The following PLEKHM3 variants were observed in gnomAD, a reference collection of about 807,000 sequenced individuals.
PLEKHM3 encodes pleckstrin homology domain containing M3.
A neutral mutation model predicts 81.8 loss-of-function variants in PLEKHM3; 45 were observed. The ratio of observed to expected loss-of-function variants is 0.55; its 90% CI spans 0.43 to 0.71. The LOEUF (loss-of-function observed/expected upper bound fraction) is 0.71, where lower values mean the gene tolerates loss of function less well. PLEKHM3 is among the 30% of genes least tolerant of loss of function. The pLI, the probability that PLEKHM3 is intolerant of heterozygous loss-of-function variation, is 0.00. For missense variants in PLEKHM3, 788 were observed against 924.3 expected (o/e 0.85, Z 1.91); for synonymous variants, 352 against 356.4 (o/e 0.99, Z 0.14).
At chr2:208,018,794 A>G (rs1416915563) in intron 1 of PLEKHM3, among the ~76,000 whole-genome samples, 1 of 152,168 alleles carries the variant, frequency 6.6e-6, no homozygotes, top group Non-Finnish European at 1.5e-5. Flanking sequence ...ATTACCTGAA[A>G]GAGTTTATGG....
At chr2:208,000,467 A>G (rs1692259412) in intron 2 of PLEKHM3, among the ~76,000 whole-genome samples, 1 of 152,100 alleles carries the variant, frequency 6.6e-6, no homozygotes, top group Non-Finnish European at 1.5e-5. Context: ...TCACTCTTAT[A>G]TGGACAGAGT....
In PLEKHM3 at chr2:208,005,853, G is replaced by A. The variant is rs781206702; in HGVS notation, c.-318-3896C>T. ...TGCGTTGAACAAATGCATTGTTGTC[G>A]CATTGCATAAGAGATAGCGCCTCAT... On this transcript the variant is annotated intron_variant, in intron 1 of 7. Coordinates refer to ENST00000427836, the MANE Select transcript of PLEKHM3 (RefSeq NM_001080475.3). Among the ~76,000 whole-genome samples the A allele has an allele frequency of 1.7e-4, 26 of 152,212 alleles. 1 individual carries two copies. Among genetic ancestry groups the A allele is most frequent in the Middle Eastern group, 6.8e-3 (2 of 294 alleles).
chr2:207,963,829 T>A (rs1690819453), intron 3 of PLEKHM3, among the ~76,000 whole-genome samples: 1 of 152,182 alleles, frequency 6.6e-6, no homozygotes, highest in Non-Finnish European at 1.5e-5. Context: ...CCCCAATGGC[T>A]AACATATTGA....
chr2:207,870,347 C>T (rs1379449783), intron 6 of PLEKHM3, among the ~76,000 whole-genome samples: 1 of 152,202 alleles, frequency 6.6e-6, no homozygotes, highest in Non-Finnish European at 1.5e-5. Context: ...TCAAAACAAG[C>T]TTCCTTAGCC....
At chr2:207,830,681 A>AGAAGTGTCCTT (rs1553541531) in intron 7 of PLEKHM3, among the ~76,000 whole-genome samples, 2 of 143,782 alleles carry the variant, frequency 1.4e-5, no homozygotes, top group Non-Finnish European at 3.1e-5. Context: ...TCCTTAGAAG[A>AGAAGTGTCCTT]AGGACACTTC....
intron 2 of PLEKHM3, among the ~76,000 whole-genome samples, chr2:207,994,919 A>C (rs1415526396): frequency 6.6e-6 from 1 of 152,180 alleles, no homozygotes; most frequent in African/African-American, 2.4e-5. Context: ...TCTCTCCATA[A>C]GGCAAGGCAA....
chr2:208,006,377 T>C (rs988163369), intron 1 of PLEKHM3, among the ~76,000 whole-genome samples: 1 of 152,200 alleles, frequency 6.6e-6, no homozygotes, highest in South Asian at 2.1e-4. Context: ...AAGATCAGCA[T>C]GTGGGTGCAG....
intron 6 of PLEKHM3, among the ~76,000 whole-genome samples, chr2:207,897,233 C>T (rs979483795): frequency 5.3e-5 from 8 of 152,108 alleles, no homozygotes; most frequent in East Asian, 3.9e-4. Flanking sequence ...GATTCCCCTA[C>T]GGAACATGAG....
At chr2:207,942,923 G>A (rs565841789) in intron 4 of PLEKHM3, among the ~76,000 whole-genome samples, 1 of 152,076 alleles carries the variant, frequency 6.6e-6, no homozygotes, top group African/African-American at 2.4e-5. Context: ...AATAAAGAAG[G>A]CAGGCAGGCA....
chr2:207,829,352 C>T (rs1262921918), intron 7 of PLEKHM3, among the ~76,000 whole-genome samples: 1 of 152,132 alleles, frequency 6.6e-6, no homozygotes, highest in Non-Finnish European at 1.5e-5. Flanking sequence ...CGGCTCACTG[C>T]ACCCTCTGCC....
At chr2:208,017,071 A>C (rs1692946808) in intron 1 of PLEKHM3, among the ~76,000 whole-genome samples, 1 of 152,212 alleles carries the variant, frequency 6.6e-6, no homozygotes. Context: ...TGTAGTATTC[A>C]GCATTTAGCA....
rs914297558 is a variant in PLEKHM3 at position 207,888,511 on chromosome 2, C to A, written c.1950+20003G>T. Among the ~76,000 whole-genome samples the A allele has an allele frequency of 6.8e-4, 104 of 152,278 alleles. 1 individual carries two copies. The highest frequency in any genetic ancestry group is 6.8e-3 in the Middle Eastern group (2 of 294). ...TCCTGGGTTCAAGTGATTCTCCCAC[C>A]TCAGCCTCCCGAGTAGCTGGGATTA... On this transcript the variant is annotated intron_variant, in intron 6 of 7. Transcript: ENST00000427836.
intron 7 of PLEKHM3, among the ~76,000 whole-genome samples, chr2:207,830,876 TG>T (rs886627869): frequency 1.3e-5 from 2 of 152,100 alleles, no homozygotes; most frequent in East Asian, 1.9e-4. Flanking sequence ...CCTCCAGAAC[TG>T]GGGGCAACAC....
At chr2:207,910,483 C>T (rs1322481739) in intron 5 of PLEKHM3, among the ~76,000 whole-genome samples, 1 of 152,160 alleles carries the variant, frequency 6.6e-6, no homozygotes, top group Non-Finnish European at 1.5e-5. Flanking sequence ...ACACAAACTT[C>T]ATTTTACATA....
intron 6 of PLEKHM3, among the ~76,000 whole-genome samples, chr2:207,875,180 T>C (rs1048189608): frequency 3.3e-5 from 5 of 152,066 alleles, no homozygotes; most frequent in Admixed American, 2.0e-4. Context: ...GTCAATTTCC[T>C]TAGTATACAC....
chr2:207,931,964 C>T (rs938357320), intron 4 of PLEKHM3, among the ~76,000 whole-genome samples: 3 of 152,170 alleles, frequency 2.0e-5, no homozygotes, highest in Non-Finnish European at 4.4e-5. Flanking sequence ...CAGAGCGAGA[C>T]TCCATCTAAC....
At chr2:207,830,374 G>A (rs1463059555) in intron 7 of PLEKHM3, among the ~76,000 whole-genome samples, 1 of 152,132 alleles carries the variant, frequency 6.6e-6, no homozygotes, top group African/African-American at 2.4e-5. Context: ...AGCACTTTGG[G>A]AGGCCGAGGT....
chr2:207,880,767 A>AAAAAAAAAAAAAAAAAAAAC (rs2092585842), intron 6 of PLEKHM3, among the ~76,000 whole-genome samples: 1 of 124,222 alleles, frequency 8.1e-6, no homozygotes, highest in Non-Finnish European at 1.6e-5. Flanking sequence ...TGTCTCAAAA[A>AAAAAAAAAAAAAAAAAAAAC]AAAAAAAAAA....
chr2:207,980,455 G>C (rs1215287627), intron 2 of PLEKHM3, among the ~76,000 whole-genome samples: 1 of 152,102 alleles, frequency 6.6e-6, no homozygotes, highest in Non-Finnish European at 1.5e-5. Context: ...CACTCACTAA[G>C]CAACATTTCC....
Sources: allele counts gnomAD v4.1 joint callset (sites outside exome capture counted in the v4.1 genomes callset), GRCh38; gene constraint gnomAD v4.1.1; transcripts MANE v1.5; gene names NCBI Gene and HGNC (gene_info 2026-07-23, HGNC 2026-07-21).